The following DAB2IP variants were observed in gnomAD, a reference collection of about 807,000 sequenced individuals.
The protein encoded by DAB2IP is DAB2 interacting protein, also known as disabled homolog 2-interacting protein.
DAB2IP carries 28 observed loss-of-function variants against 107.2 expected under a neutral mutation model. That is an observed-to-expected ratio of 0.26 (90% CI 0.19 to 0.36). DAB2IP has a LOEUF of 0.36. Among genes scored for constraint, DAB2IP ranks in the 10% least tolerant of loss-of-function variants. DAB2IP has a pLI of 1.00. For missense variants in DAB2IP, 1,400 were observed against 1,644.7 expected, an observed-to-expected ratio of 0.85 and a Z score of 2.57; for synonymous variants, 755 against 706.4, an observed-to-expected ratio of 1.07 and a Z score of -1.09.
chr9:121,588,841 G>T (rs1830365382), intron 1 of DAB2IP, among the ~76,000 whole-genome samples: 1 of 151,794 alleles, frequency 6.6e-6, no homozygotes, highest in South Asian at 2.1e-4. Flanking sequence ...CTGGGGAGGT[G>T]GCTGTCTTCA....
At chr9:121,690,278 G>A (rs1319531808) in intron 2 of DAB2IP, among the ~76,000 whole-genome samples, 2 of 151,910 alleles carry the variant, frequency 1.3e-5, no homozygotes, top group Non-Finnish European at 2.9e-5. Context: ...TGGGGAATGA[G>A]CACTAAAGTC....
At chr9:121,768,377 C>A in intron 9 of DAB2IP, 55 bp from the exon 10 acceptor site, 1 of 1,593,836 alleles carries the variant, frequency 6.3e-7, no homozygotes, top group South Asian at 1.1e-5. Flanking sequence ...GGAGGGAGTT[C>A]CTGGGCAGGG....
At chr9:121,594,689 T>C (rs547978333) in intron 1 of DAB2IP, among the ~76,000 whole-genome samples, 1 of 152,158 alleles carries the variant, frequency 6.6e-6, no homozygotes, top group Non-Finnish European at 1.5e-5. Context: ...TCAATAAACC[T>C]TCCTGAGGCC....
chr9:121,571,721 A>C (rs1309945154), intron 1 of DAB2IP, among the ~76,000 whole-genome samples: 1 of 151,972 alleles, frequency 6.6e-6, no homozygotes, highest in African/African-American at 2.4e-5. Flanking sequence ...ACTGGCACTG[A>C]AGTTCTGGAG....
chr9:121,735,443 C>G (rs1831829855), intron 3 of DAB2IP, among the ~76,000 whole-genome samples: 1 of 152,254 alleles, frequency 6.6e-6, no homozygotes, highest in Non-Finnish European at 1.5e-5. Context: ...ACACAGTCTG[C>G]AGCTTAGTAG....
At position 121,772,848 on chromosome 9, in the gene DAB2IP, G is replaced by T; in HGVS notation, c.2320G>T (p.Gly774Trp). 1.3e-6 allele frequency: 2 copies of T among 1,599,098 alleles called. No individual in the cohort carries two copies. Among genetic ancestry groups the T allele is most frequent in the East Asian group, 2.2e-5 (1 of 44,644 alleles). Residue 774 changes from glycine to tryptophan, a missense_variant, in exon 12 of 16, where the codon GGG becomes TGG. Physicochemically the swap from Gly to Trp is radical, Grantham distance 184. This residue lies in a region of DAB2IP where 600 missense variants were observed against 659.1 expected (regional missense o/e 0.91). Transcript: ENST00000408936. This position sits in a 1 kb window ranked among gnomAD's most constrained non-coding sequence, Gnocchi z 4.7. The stretch of plus-strand genomic sequence containing the variant: ...GGGCCCCGACGTCCTCCCCACAGAT[G>T]GGCAGGCCGCTGCAGCTCAGCTGGT...
intron 3 of DAB2IP, among the ~76,000 whole-genome samples, chr9:121,719,002 T>G (rs1830771644): frequency 6.6e-6 from 1 of 152,190 alleles, no homozygotes; most frequent in African/African-American, 2.4e-5. Flanking sequence ...AGGGGGTGCT[T>G]CATGAGGGCA....
Position 121,599,530 on chromosome 9 carries a change from G to C in DAB2IP, c.40+32302G>C, listed in dbSNP as rs986884310. ...GCAGGCCGGGTGGCCGCGGGAGCCC[G>C]GGAGCCGTAGAGCGGCGGCGCCGGG... On this transcript the variant is annotated intron_variant, in intron 1 of 16. Coordinates refer to the DAB2IP transcript ENST00000259371. The surrounding 1 kb of genome is among the most constrained non-coding windows in gnomAD (Gnocchi z 6.9). 1.8e-4 allele frequency among the ~76,000 whole-genome samples: 27 copies of C among 151,934 alleles called. No individual in the cohort carries two copies. The East Asian group carries it at 5.2e-3, about 29-fold the overall frequency.
At chr9:121,756,082 C>T (rs1361288054) in intron 3 of DAB2IP, among the ~76,000 whole-genome samples, 1 of 152,146 alleles carries the variant, frequency 6.6e-6, no homozygotes, top group Non-Finnish European at 1.5e-5. Context: ...CTTAGCAGGC[C>T]CAGCCTGTCC....
rs891111887 is a variant in DAB2IP at position 121,776,652 on chromosome 9, C to T, written c.3314+261C>T. Among the ~76,000 whole-genome samples, 2 of 152,142 alleles carry T rather than the reference C, an allele frequency of 1.3e-5. No individual in the cohort carries two copies. Among genetic ancestry groups the T allele is most frequent in the African/African-American group, 4.8e-5 (2 of 41,436 alleles). On this transcript the variant is annotated intron_variant, in intron 14 of 15. Transcript: ENST00000408936. This position sits in a 1 kb window ranked among gnomAD's most constrained non-coding sequence, Gnocchi z 5.4. ...ACAGCTGGCTCCCGACGGGCCTGAG[C>T]CTCTACAAGGAGCCATACCATCTTA... is the stretch of plus-strand genomic sequence containing the variant.
At chr9:121,716,381 C>T (rs973116577) in intron 3 of DAB2IP, among the ~76,000 whole-genome samples, 3 of 152,214 alleles carry the variant, frequency 2.0e-5, no homozygotes, top group African/African-American at 4.8e-5. Context: ...TGCTATTGTC[C>T]GGAAACTGAG....
intron 11 of DAB2IP, among the ~76,000 whole-genome samples, chr9:121,771,212 G>A (rs142842592): frequency 6.6e-6 from 1 of 152,304 alleles, no homozygotes; most frequent in Non-Finnish European, 1.5e-5. Context: ...ATAAAGTGAT[G>A]CTGAGACCCA....
chr9:121,760,584 C>G lies in DAB2IP; in HGVS notation c.1170+145C>G, dbSNP rs1307618046. Reference sequence around the variant, plus strand: ...GAAGGGCTCCCTAAACCCAAAAGTTCTATCGTGGGCTGGGGGTTTTGTACT... The same window carrying G: ...GAAGGGCTCCCTAAACCCAAAAGTTGTATCGTGGGCTGGGGGTTTTGTACT... On this transcript the variant is annotated intron_variant, in intron 6 of 15. Coordinates refer to ENST00000408936, the Ensembl canonical transcript of DAB2IP. This position sits in a 1 kb window ranked among gnomAD's most constrained non-coding sequence, Gnocchi z 5.9. 2.0e-6 allele frequency: 2 copies of G among 1,009,322 alleles called. No homozygotes were observed. The highest frequency in any genetic ancestry group is 2.6e-5 in the East Asian group (1 of 38,016). The allele number at this position is 1,009,322 out of a possible 1,614,324, so 62.5% of individuals were successfully genotyped here.
At chr9:121,632,346 C>G (rs767325291) in intron 1 of DAB2IP, among the ~76,000 whole-genome samples, 8 of 152,148 alleles carry the variant, frequency 5.3e-5, no homozygotes, top group Non-Finnish European at 1.0e-4. Context: ...TTGTTTATTA[C>G]CGGTGATAAA....
intron 14 of DAB2IP, among the ~76,000 whole-genome samples, chr9:121,777,244 GT>G (rs1835270284): frequency 2.0e-5 from 3 of 152,212 alleles, no homozygotes; most frequent in Non-Finnish European, 2.9e-5. Context: ...CCAAGCAGGT[GT>G]GCAAGAGCCA....
At chr9:121,656,014 T>TC (rs1395114496) in intron 1 of DAB2IP, among the ~76,000 whole-genome samples, 1 of 148,250 alleles carries the variant, frequency 6.7e-6, no homozygotes, top group African/African-American at 2.5e-5. Flanking sequence ...GACCCTGGCT[T>TC]TTTTTTTTTT....
upstream of DAB2IP, among the ~76,000 whole-genome samples, chr9:121,650,813 G>T (rs1477142815): frequency 6.6e-6 from 1 of 152,210 alleles, no homozygotes; most frequent in African/African-American, 2.4e-5. Flanking sequence ...GGCAGTCCCT[G>T]CTGGCAGCAC....
chr9:121,718,139 G>C (rs1289854422), intron 3 of DAB2IP, among the ~76,000 whole-genome samples: 1 of 152,156 alleles, frequency 6.6e-6, no homozygotes, highest in Non-Finnish European at 1.5e-5. Flanking sequence ...TGTGAAGGCA[G>C]ACTCTCCTGC....
chr9:121,668,620 T>C (rs1170967782), intron 1 of DAB2IP, among the ~76,000 whole-genome samples: 1 of 152,218 alleles, frequency 6.6e-6, no homozygotes, highest in Non-Finnish European at 1.5e-5. Context: ...TCAGATGTAT[T>C]CATCGAGTAC....
Sources: gnomAD v4.1 joint callset for allele counts (sites outside exome capture counted in the v4.1 genomes callset) on GRCh38, gnomAD v4.1.1 for gene constraint, gnomAD v4.1.1 regional missense constraint, Gnocchi (gnomAD v3.1) non-coding constraint, MANE v1.5 for transcripts, NCBI Gene and HGNC (gene_info 2026-07-23, HGNC 2026-07-21) for gene names.